Variants in FBXO45 observed in about 807,000 individuals in gnomAD.
FBXO45 encodes F-box protein 45, also known as F-box/SPRY domain-containing protein 1.
FBXO45 carries 3 observed loss-of-function variants against 25.5 expected under a neutral mutation model. The ratio of observed to expected loss-of-function variants is 0.12; its 90% confidence interval spans 0.05 to 0.30. The LOEUF (loss-of-function observed/expected upper bound fraction) is 0.30, where lower values mean the gene tolerates loss of function less well. Ranked by LOEUF, FBXO45 falls within the 10% of genes least tolerant of loss-of-function variation. FBXO45 has a pLI of 1.00. For synonymous variants in FBXO45, 155 were observed against 149.8 expected, an observed-to-expected ratio of 1.03 and a Z score of -0.25; for missense variants, 219 against 365.0, an observed-to-expected ratio of 0.60 and a Z score of 3.26.
chr3:196,577,958 C>A, intron 2 of FBXO45, 149 bp downstream of exon 2: 2 of 317,544 alleles, frequency 6.3e-6, no homozygotes, highest in Non-Finnish European at 9.5e-6. Context: ...ACCCAGACTT[C>A]AAGGAGATTT....
intron 2 of FBXO45, among the ~76,000 whole-genome samples, chr3:196,579,455 C>T (rs1333661372): frequency 6.6e-6 from 1 of 152,166 alleles, no homozygotes; most frequent in Non-Finnish European, 1.5e-5. Flanking sequence ...AGTCCTGTCG[C>T]CACCCTTGTA....
chr3:196,570,965 C>T (rs1300045649), intron 1 of FBXO45, among the ~76,000 whole-genome samples: 2 of 152,160 alleles, frequency 1.3e-5, no homozygotes, highest in African/African-American at 4.8e-5. Flanking sequence ...TCGCCTTGGC[C>T]TCCCAAAGTG....
At chr3:196,583,505 CAAAA>C (rs36064486) in intron 2 of FBXO45, among the ~76,000 whole-genome samples, 3 of 65,402 alleles carry the variant, frequency 4.6e-5, no homozygotes, top group Non-Finnish European at 3.5e-5. Flanking sequence ...GACTCCGTCT[CAAAA>C]AAAAAAAAAA....
chr3:196,570,134 A>G (rs1316975671), intron 1 of FBXO45, among the ~76,000 whole-genome samples: 3 of 140,998 alleles, frequency 2.1e-5, no homozygotes, highest in Admixed American at 6.9e-5. Context: ...CTTGGTCTTG[A>G]GTTGAGTTGA....
intron 1 of FBXO45, among the ~76,000 whole-genome samples, chr3:196,572,199 T>G (rs1018024545): frequency 3.9e-5 from 6 of 152,116 alleles, no homozygotes; most frequent in African/African-American, 1.4e-4. Flanking sequence ...TATTTTTATT[T>G]AAAAAAATGA....
Position 196,587,733 on chromosome 3 carries a change from A to G in FBXO45, c.*3415A>G, listed in dbSNP as rs9829370. 6.6e-6 allele frequency: 1 copy of G among 151,516 alleles called. No homozygotes were observed. Among genetic ancestry groups the G allele is most frequent in the Non-Finnish European group, 1.5e-5 (1 of 67,884 alleles). 9.4% of individuals were successfully genotyped at this position (151,516 alleles called of 1,614,324 possible). On this transcript the variant is annotated 3_prime_UTR_variant, in exon 3 of 3. Coordinates refer to ENST00000311630, the MANE Select transcript of FBXO45 (RefSeq NM_001105573.2). The stretch of plus-strand genomic sequence containing the variant: ...TATGTAGATTGTCATATTAATATTA[A>G]TTTTTTTTTGTTATTTTGAAGAAGT...
chr3:196,586,845 C>T lies in FBXO45; in HGVS notation c.*2527C>T, dbSNP rs530360499. 1 of 152,068 alleles carries T rather than the reference C, an allele frequency of 6.6e-6. No individual in the cohort carries two copies. The highest frequency in any genetic ancestry group is 2.1e-4 in the South Asian group (1 of 4,812). 9.4% of individuals were successfully genotyped at this position (152,068 alleles called of 1,614,324 possible). A position where few individuals can be genotyped will look rare whatever the true frequency, so the allele number is the denominator to read the frequency against. On this transcript the variant is annotated 3_prime_UTR_variant, in exon 3 of 3. Transcript: ENST00000311630. Reference sequence around the variant, plus strand: ...CTTTCTGGTCATTTCAATATGCTGCCAAGGTTGAGAACCACTGTTGTAAAA... The same window carrying T: ...CTTTCTGGTCATTTCAATATGCTGCTAAGGTTGAGAACCACTGTTGTAAAA...
At chr3:196,581,251 TG>T (rs1736008131) in intron 2 of FBXO45, among the ~76,000 whole-genome samples, 1 of 135,444 alleles carries the variant, frequency 7.4e-6, no homozygotes, top group African/African-American at 3.2e-5. Context: ...TTTTTTTTTT[TG>T]AGACAGTCTC....
rs1004299214 is a variant in FBXO45, at chr3:196,568,671, G to T, written c.-314G>T. On this transcript the variant is annotated 5_prime_UTR_variant, in exon 1 of 3. Coordinates refer to ENST00000311630, the MANE Select transcript of FBXO45 (RefSeq NM_001105573.2). ...CGAGCTGGGCGTGCGCCCTTGCTTC[G>T]TGCCCTCAACCCGCATGGCGGAGCC... The T allele has an allele frequency of 6.6e-6, 1 of 152,334 alleles. No homozygotes were observed. The allele number at this position is 152,334 out of a possible 1,614,324, so 9.4% of individuals were successfully genotyped here.
rs184685440 is a variant in FBXO45 at position 196,585,053 on chromosome 3, G to T, written c.*735G>T. The T allele has an allele frequency of 1.3e-5, 2 of 152,006 alleles. No homozygotes were observed. Among genetic ancestry groups the T allele is most frequent in the African/African-American group, 4.8e-5 (2 of 41,382 alleles). The allele number at this position is 152,006 out of a possible 1,614,324, so 9.4% of individuals were successfully genotyped here. ...TATTGACTCATTTTGTATTATTTTT[G>T]GCTTACAGTTCCCATAGCTGTTAGA... On this transcript the variant is annotated 3_prime_UTR_variant, in exon 3 of 3. Transcript: ENST00000311630.
In FBXO45 at chr3:196,588,681, C is replaced by A. The variant is rs145168273; in HGVS notation, c.*4363C>A. 8 of 152,170 alleles carry A rather than the reference C, an allele frequency of 5.3e-5. No individual in the cohort carries two copies. Among genetic ancestry groups the A allele is most frequent in the Non-Finnish European group, 8.8e-5 (6 of 68,032 alleles). 9.4% of individuals were successfully genotyped at this position (152,170 alleles called of 1,614,324 possible). ...CCCTAAACTGGGACAGGATCTCTAA[C>A]GGACTCATCTTTGTGCCACAACATG... On this transcript the variant is annotated 3_prime_UTR_variant, in exon 3 of 3. Transcript: ENST00000311630. The surrounding 1 kb of genome is among the most constrained non-coding windows in gnomAD (Gnocchi z 4.2).
intron 1 of FBXO45, among the ~76,000 whole-genome samples, chr3:196,572,925 C>G (rs1025347112): frequency 3.9e-5 from 6 of 151,928 alleles, no homozygotes; most frequent in Admixed American, 3.9e-4. Context: ...ATCAGTTGAT[C>G]TAGATTTTTT....
Position 196,568,670 on chromosome 3 carries a change from C to G in FBXO45, c.-315C>G, listed in dbSNP as rs1735687934. The stretch of plus-strand genomic sequence containing the variant: ...ACGAGCTGGGCGTGCGCCCTTGCTT[C>G]GTGCCCTCAACCCGCATGGCGGAGC... On this transcript the variant is annotated 5_prime_UTR_variant, in exon 1 of 3. Transcript: ENST00000311630. 6.6e-6 allele frequency: 1 copy of G among 152,340 alleles called. No individual in the cohort carries two copies. The allele number at this position is 152,340 out of a possible 1,614,324, so 9.4% of individuals were successfully genotyped here.
chr3:196,579,638 A>T (rs1347849599), intron 2 of FBXO45, among the ~76,000 whole-genome samples: 1 of 152,234 alleles, frequency 6.6e-6, no homozygotes, highest in African/African-American at 2.4e-5. Context: ...AATATTCTGT[A>T]AATGAGAATT....
At chr3:196,582,105 C>T (rs1189309551) in intron 2 of FBXO45, among the ~76,000 whole-genome samples, 2 of 152,196 alleles carry the variant, frequency 1.3e-5, no homozygotes, top group East Asian at 1.9e-4. Context: ...CATCTCCCCA[C>T]GTTTTACCCC....
At chr3:196,582,109 T>C (rs1195740958) in intron 2 of FBXO45, among the ~76,000 whole-genome samples, 1 of 152,204 alleles carries the variant, frequency 6.6e-6, no homozygotes, top group Non-Finnish European at 1.5e-5. Context: ...TCCCCACGTT[T>C]TACCCCAGCA....
At chr3:196,581,356 G>A (rs1262047960) in intron 2 of FBXO45, among the ~76,000 whole-genome samples, 3 of 146,112 alleles carry the variant, frequency 2.1e-5, no homozygotes, top group Non-Finnish European at 4.5e-5. Flanking sequence ...TCAGCCTCCT[G>A]AGTAGCTGGG....
chr3:196,584,197 A>G lies in FBXO45; in HGVS notation c.740A>G (p.Tyr247Cys), dbSNP rs777449886. 3.1e-6 allele frequency: 5 copies of G among 1,613,908 alleles called. No individual in the cohort carries two copies. The Admixed American group carries it at 8.3e-5, about 27-fold the overall frequency. ...AAGACTTTAGCTTTTGAACGTGGAT[A>G]TGAGTTCCTGGGGGTTGCTTTTAGA... ...EDKTLAFERG[Y>C]EFLGVAFRGL... is the part of the protein sequence containing the mutation. Residue 247 changes from tyrosine (Y) to cysteine (C), a missense_variant, in exon 3 of 3, where the codon TAT becomes TGT. Transcript: ENST00000311630. The surrounding 1 kb of genome is among the most constrained non-coding windows in gnomAD (Gnocchi z 4.3).
intron 2 of FBXO45, among the ~76,000 whole-genome samples, chr3:196,583,714 T>C (rs896571913): frequency 2.7e-5 from 4 of 150,720 alleles, no homozygotes; most frequent in African/African-American, 9.8e-5. Flanking sequence ...AGATTCCATG[T>C]GAGTCTTAAA....
Sources: gnomAD v4.1 joint callset for allele counts (sites outside exome capture counted in the v4.1 genomes callset) on GRCh38, gnomAD v4.1.1 for gene constraint, Gnocchi (gnomAD v3.1) non-coding constraint, MANE v1.5 for transcripts, NCBI Gene and HGNC (gene_info 2026-07-23, HGNC 2026-07-21) for gene names.